PIK3R4: variants seen among roughly 807,000 people sequenced by gnomAD.
PIK3R4 encodes phosphoinositide 3-kinase regulatory subunit 4.
PIK3R4 carries 46 observed loss-of-function variants against 136.5 expected under a neutral mutation model. That is an observed-to-expected ratio of 0.34 (90% CI 0.27 to 0.43). PIK3R4 has a LOEUF of 0.43. Ranked by LOEUF, PIK3R4 falls within the 20% of genes least tolerant of loss-of-function variation. The pLI, the probability that PIK3R4 is intolerant of heterozygous loss-of-function variation, is 1.00. For missense variants in PIK3R4, 1,331 were observed against 1,649.5 expected (o/e 0.81, Z 3.35); for synonymous variants, 557 against 566.7 (o/e 0.98, Z 0.24).
At chr3:130,709,502 A>C (rs1294968371) in intron 9 of PIK3R4, among the ~76,000 whole-genome samples, 1 of 152,188 alleles carries the variant, frequency 6.6e-6, no homozygotes, top group Non-Finnish European at 1.5e-5. Context: ...ATAAAATTGC[A>C]TTAAAGTACA....
intron 13 of PIK3R4, among the ~76,000 whole-genome samples, chr3:130,691,307 C>T (rs982638788): frequency 1.3e-5 from 2 of 152,192 alleles, no homozygotes; most frequent in African/African-American, 2.4e-5. Context: ...GGTCAAGCTA[C>T]TTAACCAGTT....
At chr3:130,740,524 G>A (rs761435243) in intron 2 of PIK3R4, among the ~76,000 whole-genome samples, 1 of 152,186 alleles carries the variant, frequency 6.6e-6, no homozygotes, top group African/African-American at 2.4e-5. Context: ...GATCACTTGA[G>A]GCCAGAAGTT....
At position 130,703,724 on chromosome 3, in the gene PIK3R4, T is replaced by C. The variant is rs1249274204; in HGVS notation, c.3097A>G (p.Arg1033Gly). 6.2e-7 allele frequency: 1 copy of C among 1,604,130 alleles called. No homozygotes were observed. The highest frequency in any genetic ancestry group is 1.1e-5 in the South Asian group (1 of 90,800). ...GATTCATTCCTGAGCATATGGTACCTGGTAGTGGTGGTCTTCCCCTCCATC... is the reference window on the plus strand; with the variant it reads ...GATTCATTCCTGAGCATATGGTACCCGGTAGTGGTGGTCTTCCCCTCCATC... The part of the protein sequence containing the change: ...QKMEGKTTTT[R>G]SILTYSRIGG... Residue 1033 changes from arginine (R) to glycine (G), a missense_variant and splice_region_variant, in exon 13 of 20, where the codon AGA (arginine) becomes GGA (glycine). Physicochemically the swap from Arg to Gly is moderately radical, Grantham distance 125. Transcript: ENST00000356763.
At chr3:130,730,194 A>G in intron 5 of PIK3R4, 114 bp downstream of exon 5, 1 of 785,198 alleles carries the variant, frequency 1.3e-6, no homozygotes, top group Non-Finnish European at 2.0e-6. Flanking sequence ...CCTATCTAAT[A>G]TATAGATCTG....
At chr3:130,681,263 A>G (rs888312808) in intron 17 of PIK3R4, among the ~76,000 whole-genome samples, 198 bp from the exon 18 acceptor site, 6 of 152,204 alleles carry the variant, frequency 3.9e-5, no homozygotes, top group Non-Finnish European at 8.8e-5. Flanking sequence ...TTGGGGTTCC[A>G]AAGAGACATC....
At chr3:130,736,928 T>A (rs1397822405) in intron 2 of PIK3R4, among the ~76,000 whole-genome samples, 1 of 152,240 alleles carries the variant, frequency 6.6e-6, no homozygotes, top group African/African-American at 2.4e-5. Flanking sequence ...GAGATAACTC[T>A]CGTTTTGCAC....
chr3:130,735,769 C>A, intron 3 of PIK3R4, 100 bp downstream of exon 3: 1 of 1,095,928 alleles, frequency 9.1e-7, no homozygotes, highest in Non-Finnish European at 1.3e-6. Flanking sequence ...TGTTTTACTG[C>A]TTGATTCCAA....
chr3:130,710,454 A>C (rs1186287229), intron 9 of PIK3R4, among the ~76,000 whole-genome samples: 1 of 152,130 alleles, frequency 6.6e-6, no homozygotes, highest in Non-Finnish European at 1.5e-5. Flanking sequence ...GTACAAAAAA[A>C]ATTAATAGCA....
At chr3:130,744,455 C>A in intron 2 of PIK3R4, 31 bp downstream of exon 2, 1 of 1,555,854 alleles carries the variant, frequency 6.4e-7, no homozygotes, top group South Asian at 1.2e-5. Context: ...AAAACACATG[C>A]TCCCTTAGCA....
At position 130,730,437 on chromosome 3, in the gene PIK3R4, T is replaced by C. The variant is rs775229316; in HGVS notation, c.1456A>G (p.Ile486Val). Residue 486 changes from isoleucine to valine, a missense_variant, in exon 5 of 20, where the codon ATA becomes GTA. By Grantham distance (29) the Ile-to-Val change is conservative. Transcript: ENST00000356763. ...AGAGCTGTTTCTGCCAGCAGAGCTA[T>C]GTTTTCTATAAAATAAAAAGGAAGA... ...TIVRLAYAENIALLAETALRF... is the reference protein window; with the variant it reads ...TIVRLAYAENVALLAETALRF... 4.5e-6 allele frequency: 7 copies of C among 1,565,462 alleles called. No individual in the cohort carries two copies. Among genetic ancestry groups the C allele is most frequent in the South Asian group, 1.2e-5 (1 of 82,820 alleles).
intron 7 of PIK3R4, among the ~76,000 whole-genome samples, chr3:130,721,709 G>A (rs4682637): frequency 0.21 from 31,312 of 152,064 alleles, 3,482 homozygotes; most frequent in South Asian, 0.36. Flanking sequence ...TAGAAGTAGA[G>A]AGTAGAATGG....
At chr3:130,695,906 G>A (rs1171881290) in intron 13 of PIK3R4, among the ~76,000 whole-genome samples, 1 of 152,052 alleles carries the variant, frequency 6.6e-6, no homozygotes, top group Non-Finnish European at 1.5e-5. Flanking sequence ...ACACCATAAA[G>A]CTATCTCAGC....
At chr3:130,708,980 T>C (rs902333165) in intron 9 of PIK3R4, among the ~76,000 whole-genome samples, 12 of 152,250 alleles carry the variant, frequency 7.9e-5, no homozygotes, top group African/African-American at 2.6e-4. Flanking sequence ...AAATATACCA[T>C]GCAACTAAGG....
intron 5 of PIK3R4, 23 bp from the exon 6 acceptor site, chr3:130,728,707 GAAAGAAAGAAAGA>G (rs769717825): frequency 8.1e-7 from 1 of 1,232,104 alleles, no homozygotes; most frequent in Non-Finnish European, 1.1e-6. Context: ...AAAAAAGAAA[GAAAGAAAGAAAGA>G]AAAGAAATAG....
intron 4 of PIK3R4, among the ~76,000 whole-genome samples, chr3:130,733,282 G>A (rs1457923492): frequency 2.6e-5 from 4 of 152,142 alleles, no homozygotes; most frequent in African/African-American, 4.8e-5. Context: ...GTAAACATTA[G>A]TCTTATTCCA....
chr3:130,737,076 C>A (rs904745451), intron 2 of PIK3R4, among the ~76,000 whole-genome samples: 4 of 152,174 alleles, frequency 2.6e-5, no homozygotes, highest in African/African-American at 9.7e-5. Flanking sequence ...ACAGCCTGTG[C>A]ATTTGCTACT....
intron 4 of PIK3R4, among the ~76,000 whole-genome samples, chr3:130,733,088 G>A (rs75163609): frequency 4.8e-4 from 73 of 152,204 alleles, no homozygotes; most frequent in African/African-American, 1.7e-3. Flanking sequence ...TACAGTAACT[G>A]GGAAAACAAC....
At chr3:130,685,898 T>C (rs1215024018) in intron 15 of PIK3R4, among the ~76,000 whole-genome samples, 1 of 152,188 alleles carries the variant, frequency 6.6e-6, no homozygotes, top group African/African-American at 2.4e-5. Flanking sequence ...TCCTTAAGTC[T>C]GCTGCTTCAC....
At chr3:130,727,046 A>G (rs2066735605) in intron 6 of PIK3R4, among the ~76,000 whole-genome samples, 1 of 152,210 alleles carries the variant, frequency 6.6e-6, no homozygotes, top group Admixed American at 6.5e-5. Flanking sequence ...ATTTCCAAAA[A>G]TAACCGGGAA....
Sources: allele counts gnomAD v4.1 joint callset (sites outside exome capture counted in the v4.1 genomes callset), GRCh38; gene constraint gnomAD v4.1.1; transcripts MANE v1.5; gene names NCBI Gene and HGNC (gene_info 2026-07-23, HGNC 2026-07-21).